Variants in RPSA2 observed in about 807,000 individuals in gnomAD.
The protein encoded by RPSA2 is ribosomal protein SA 2, also known as small ribosomal subunit protein uS2B.
the RPSA2 span, among the ~76,000 whole-genome samples, chr19:23,781,458 C>T: frequency 6.6e-6 from 1 of 152,100 alleles, no homozygotes; most frequent in African/African-American, 2.4e-5. Flanking sequence ...CCTGCCTCAG[C>T]CTTCCGAGTA....
At chr19:23,865,920 T>G in the RPSA2 span, among the ~76,000 whole-genome samples, 1 of 152,228 alleles carries the variant, frequency 6.6e-6, no homozygotes, top group South Asian at 2.1e-4. Context: ...CAGAGCCATG[T>G]GCCTTCCACC....
At chr19:23,773,528 C>T in the RPSA2 span, among the ~76,000 whole-genome samples, 1,777 of 152,200 alleles carry the variant, frequency 0.012, 38 homozygotes, top group African/African-American at 0.04. Context: ...ATGATCTGCC[C>T]GCCTCAGTCT....
At chr19:23,785,335 C>T in the RPSA2 span, among the ~76,000 whole-genome samples, 1 of 152,100 alleles carries the variant, frequency 6.6e-6, no homozygotes, top group African/African-American at 2.4e-5. Context: ...GGACATATTA[C>T]TAGCCCCAAC....
the RPSA2 span, chr19:23,790,889 A>G: frequency 1.0e-5 from 5 of 490,960 alleles, no homozygotes; most frequent in Admixed American, 1.5e-4. Context: ...CTGCACCCTG[A>G]GTTCTCCTTG....
chr19:23,783,510 G>T, the RPSA2 span, among the ~76,000 whole-genome samples: 1 of 141,450 alleles, frequency 7.1e-6, no homozygotes, highest in Non-Finnish European at 1.5e-5. Flanking sequence ...TCTTGGTGAT[G>T]TGACTTTTCT....
chr19:23,787,080 A>T, the RPSA2 span, among the ~76,000 whole-genome samples: 3 of 152,140 alleles, frequency 2.0e-5, no homozygotes, highest in Non-Finnish European at 4.4e-5. Context: ...GTCCCTGCTT[A>T]CAGAGAAATT....
the RPSA2 span, among the ~76,000 whole-genome samples, chr19:23,863,224 T>C: frequency 6.6e-6 from 1 of 152,182 alleles, no homozygotes; most frequent in Non-Finnish European, 1.5e-5. Flanking sequence ...CCAAAGTTTG[T>C]CTGCAATTTG....
chr19:23,852,756 T>G, the RPSA2 span, among the ~76,000 whole-genome samples: 1 of 152,252 alleles, frequency 6.6e-6, no homozygotes, highest in Non-Finnish European at 1.5e-5. Flanking sequence ...GGCCAGTTTA[T>G]GGCCAGATTT....
the RPSA2 span, among the ~76,000 whole-genome samples, chr19:23,855,357 G>A: frequency 6.6e-6 from 1 of 152,196 alleles, no homozygotes; most frequent in Non-Finnish European, 1.5e-5. Flanking sequence ...TCAGTACAAA[G>A]AGTCTGTAAT....
At chr19:23,783,934 C>G in the RPSA2 span, among the ~76,000 whole-genome samples, 1 of 152,114 alleles carries the variant, frequency 6.6e-6, no homozygotes, top group African/African-American at 2.4e-5. Flanking sequence ...ATTGTAACAT[C>G]TCTGGTTGAG....
At chr19:23,784,508 G>C in the RPSA2 span, among the ~76,000 whole-genome samples, 1 of 152,222 alleles carries the variant, frequency 6.6e-6, no homozygotes, top group Non-Finnish European at 1.5e-5. Context: ...GCCAATTAGA[G>C]AGATGTTGAC....
At chr19:23,838,613 A>G in the RPSA2 span, among the ~76,000 whole-genome samples, 2 of 152,106 alleles carry the variant, frequency 1.3e-5, no homozygotes, top group East Asian at 3.9e-4. Flanking sequence ...TGTTCAGGGT[A>G]TCTAATTCTT....
chr19:23,839,872 C>T, the RPSA2 span, among the ~76,000 whole-genome samples: 98 of 152,328 alleles, frequency 6.4e-4, no homozygotes, highest in Non-Finnish European at 9.8e-4. Context: ...CTCCCACAAA[C>T]AGACTTTCAG....
chr19:23,807,017 G>A, the RPSA2 span, among the ~76,000 whole-genome samples: 148,870 of 152,204 alleles, frequency 0.98, 72,899 homozygotes, highest in Middle Eastern at 1. Flanking sequence ...AGCACACTAT[G>A]AAAACTTGTT....
At chr19:23,771,267 G>C in the RPSA2 span, among the ~76,000 whole-genome samples, 2 of 152,120 alleles carry the variant, frequency 1.3e-5, no homozygotes, top group African/African-American at 4.8e-5. Flanking sequence ...AAAATTGAAT[G>C]TCATGTTAAT....
At chr19:23,845,526 C>A in the RPSA2 span, among the ~76,000 whole-genome samples, 1 of 152,148 alleles carries the variant, frequency 6.6e-6, no homozygotes, top group African/African-American at 2.4e-5. Flanking sequence ...GAGTTTTACT[C>A]TGTCACCTGG....
At chr19:23,815,011 A>G in the RPSA2 span, among the ~76,000 whole-genome samples, 72 of 152,224 alleles carry the variant, frequency 4.7e-4, no homozygotes, top group Non-Finnish European at 9.1e-4. Context: ...ATGTCTGAAT[A>G]ATTCTTTGAT....
chr19:23,797,314 TGGCCA>T, the RPSA2 span, among the ~76,000 whole-genome samples: 1 of 152,094 alleles, frequency 6.6e-6, no homozygotes, highest in South Asian at 2.1e-4. Flanking sequence ...TTCACCATCT[TGGCCA>T]GGCTGGTCTC....
At chr19:23,859,949 A>T in the RPSA2 span, among the ~76,000 whole-genome samples, 7 of 152,224 alleles carry the variant, frequency 4.6e-5, no homozygotes, top group Non-Finnish European at 1.0e-4. Flanking sequence ...ATTATGATTT[A>T]ACCATGTTTA....
Sources: gnomAD v4.1 joint callset for allele counts (sites outside exome capture counted in the v4.1 genomes callset) on GRCh38, gnomAD v4.1.1 for gene constraint, MANE v1.5 for transcripts, NCBI Gene and HGNC (gene_info 2026-07-23, HGNC 2026-07-21) for gene names.